The following HS3ST3A1 variants were observed in gnomAD, a reference collection of about 807,000 sequenced individuals.
The protein encoded by HS3ST3A1 is heparan sulfate glucosamine 3-O-sulfotransferase 3A1.
HS3ST3A1 carries 19 observed loss-of-function variants against 25.7 expected under a neutral mutation model. That is an observed-to-expected ratio of 0.74 (90% CI 0.52 to 1.08). The LOEUF (loss-of-function observed/expected upper bound fraction) is 1.08, where lower values mean the gene tolerates loss of function less well. Ranked by LOEUF, HS3ST3A1 falls within the 50% of genes least tolerant of loss-of-function variation. The pLI is 0.00. For synonymous variants in HS3ST3A1, 226 were observed against 278.6 expected, an observed-to-expected ratio of 0.81 and a Z score of 1.88; for missense variants, 459 against 594.3, an observed-to-expected ratio of 0.77 and a Z score of 2.37.
In HS3ST3A1 at chr17:13,573,215, C is replaced by G. The variant is rs79149118; in HGVS notation, c.599+27316G>C. 9.5e-3 allele frequency among the ~76,000 whole-genome samples: 1,449 copies of G among 152,278 alleles called. 8 individuals carry two copies. Among genetic ancestry groups the G allele is most frequent in the Middle Eastern group, 0.014 (4 of 294 alleles). ...AGTTGCCCTAGATCTCATCCACCCT[C>G]TCTGAATGCATTTTAGAATACCCCA... On this transcript the variant is annotated intron_variant, in intron 1 of 1. Transcript: ENST00000284110.
At chr17:13,500,529 A>G (rs1299862743) in intron 1 of HS3ST3A1, among the ~76,000 whole-genome samples, 5 of 152,168 alleles carry the variant, frequency 3.3e-5, no homozygotes, top group Non-Finnish European at 5.9e-5. Flanking sequence ...TGAAGACACA[A>G]CAGGTGAAGA....
At chr17:13,521,854 G>A (rs184541652) in intron 1 of HS3ST3A1, among the ~76,000 whole-genome samples, 47 of 152,278 alleles carry the variant, frequency 3.1e-4, no homozygotes, top group Non-Finnish European at 5.9e-4. Flanking sequence ...CAACACGACT[G>A]ACGTTCCAGG....
intron 1 of HS3ST3A1, among the ~76,000 whole-genome samples, chr17:13,591,769 G>A (rs1249729777): frequency 1.3e-5 from 2 of 149,428 alleles, no homozygotes; most frequent in Non-Finnish European, 3.0e-5. Flanking sequence ...AGCAATTCTT[G>A]TACCTCAGCT....
At chr17:13,549,116 C>T (rs998514529) in intron 1 of HS3ST3A1, among the ~76,000 whole-genome samples, 8 of 152,224 alleles carry the variant, frequency 5.3e-5, no homozygotes, top group South Asian at 2.1e-4. Context: ...ATAACACTCA[C>T]CACAAGGGTC....
At chr17:13,547,943 CCAA>C (rs1237546059) in intron 1 of HS3ST3A1, among the ~76,000 whole-genome samples, 1,155 of 83,804 alleles carry the variant, frequency 0.014, 11 homozygotes, top group African/African-American at 0.063. Flanking sequence ...TTGGTGTGAG[CCAA>C]AAAAAAAAAA....
chr17:13,566,897 G>C (rs769759016), intron 1 of HS3ST3A1, among the ~76,000 whole-genome samples: 35 of 152,232 alleles, frequency 2.3e-4, no homozygotes, highest in African/African-American at 7.0e-4. Flanking sequence ...AGCAGGTACT[G>C]ACACAGAAGT....
intron 1 of HS3ST3A1, among the ~76,000 whole-genome samples, chr17:13,512,215 C>T (rs537465344): frequency 2.2e-4 from 32 of 147,578 alleles, no homozygotes; most frequent in African/African-American, 5.5e-4. Context: ...AGGAGAATGG[C>T]GTGAACCCGG....
At chr17:13,508,026 C>T (rs934745351) in intron 1 of HS3ST3A1, among the ~76,000 whole-genome samples, 13 of 152,162 alleles carry the variant, frequency 8.5e-5, no homozygotes, top group Non-Finnish European at 1.2e-4. Context: ...TTTGAATTGG[C>T]TTCTGTGGGA....
chr17:13,562,694 C>T (rs1907579987), intron 1 of HS3ST3A1, among the ~76,000 whole-genome samples: 2 of 152,106 alleles, frequency 1.3e-5, no homozygotes, highest in South Asian at 2.1e-4. Context: ...TGTTTTTCTA[C>T]ATTGATGGAA....
chr17:13,529,738 G>A (rs1476114662), intron 1 of HS3ST3A1, among the ~76,000 whole-genome samples: 1 of 152,130 alleles, frequency 6.6e-6, no homozygotes, highest in African/African-American at 2.4e-5. Context: ...AAAACATTTT[G>A]TGGGTTGACT....
chr17:13,532,878 C>CGTGTGTGTGT (rs113095368), intron 1 of HS3ST3A1, among the ~76,000 whole-genome samples: 14 of 139,236 alleles, frequency 1.0e-4, no homozygotes, highest in African/African-American at 3.7e-4. Flanking sequence ...AATACATATA[C>CGTGTGTGTGT]GTGTGTGTGT....
At chr17:13,581,702 A>G (rs1224972177) in intron 1 of HS3ST3A1, among the ~76,000 whole-genome samples, 1 of 152,214 alleles carries the variant, frequency 6.6e-6, no homozygotes, top group Non-Finnish European at 1.5e-5. Flanking sequence ...TTGAGAACTT[A>G]TCTTAAAAAC....
intron 1 of HS3ST3A1, among the ~76,000 whole-genome samples, chr17:13,567,065 G>A (rs539229996): frequency 1.6e-4 from 25 of 152,192 alleles, no homozygotes; most frequent in Non-Finnish European, 3.1e-4. Flanking sequence ...AAAGTTTCAA[G>A]GACAGGCTGA....
chr17:13,505,687 GAAC>G (rs1905641110), intron 1 of HS3ST3A1, among the ~76,000 whole-genome samples: 1 of 151,748 alleles, frequency 6.6e-6, no homozygotes, highest in Admixed American at 6.6e-5. Context: ...TTATTAAAGT[GAAC>G]AATTATTTTG....
At chr17:13,556,745 G>C (rs376691643) in intron 1 of HS3ST3A1, among the ~76,000 whole-genome samples, 2 of 151,510 alleles carry the variant, frequency 1.3e-5, no homozygotes, top group South Asian at 2.1e-4. Flanking sequence ...TCAGCTACTC[G>C]GGAGGCTGAG....
chr17:13,510,150 C>T (rs959976107), intron 1 of HS3ST3A1, among the ~76,000 whole-genome samples: 41 of 152,190 alleles, frequency 2.7e-4, no homozygotes, highest in Non-Finnish European at 5.9e-4. Flanking sequence ...AGGGCAGGCC[C>T]CTCTCCTGGC....
At chr17:13,523,337 A>G (rs1906308081) in intron 1 of HS3ST3A1, among the ~76,000 whole-genome samples, 1 of 148,244 alleles carries the variant, frequency 6.7e-6, no homozygotes, top group African/African-American at 2.6e-5. Flanking sequence ...GGATCAGTTA[A>G]CGGAAACAAA....
At chr17:13,570,343 G>T (rs937594134) in intron 1 of HS3ST3A1, among the ~76,000 whole-genome samples, 1 of 149,800 alleles carries the variant, frequency 6.7e-6, no homozygotes, top group African/African-American at 2.5e-5. Context: ...TGTCCTAAAA[G>T]TGAAAAGAAT....
At chr17:13,597,352 C>T (rs968226095) in intron 1 of HS3ST3A1, among the ~76,000 whole-genome samples, 1 of 152,100 alleles carries the variant, frequency 6.6e-6, no homozygotes, top group Admixed American at 6.5e-5. Flanking sequence ...ATTCTAAGCT[C>T]GCCTGCTCTT....
Sources: gnomAD v4.1 joint callset for allele counts (sites outside exome capture counted in the v4.1 genomes callset) on GRCh38, gnomAD v4.1.1 for gene constraint, MANE v1.5 for transcripts, NCBI Gene and HGNC (gene_info 2026-07-23, HGNC 2026-07-21) for gene names.